KCND2: variants seen among roughly 807,000 people sequenced by gnomAD.
The protein encoded by KCND2 is potassium voltage-gated channel subfamily D member 2.
KCND2 carries 16 observed loss-of-function variants against 54.4 expected under a neutral mutation model. The observed-to-expected ratio is 0.29, with a 90% CI of 0.20 to 0.45. The LOEUF (loss-of-function observed/expected upper bound fraction) is 0.45. KCND2 is among the 20% of genes least tolerant of loss of function. The pLI is 1.00. For synonymous variants in KCND2, 317 were observed against 310.7 expected, an observed-to-expected ratio of 1.02 and a Z score of -0.21; for missense variants, 486 against 824.2, an observed-to-expected ratio of 0.59 and a Z score of 5.02.
chr7:120,500,162 C>G (rs1446636231), intron 1 of KCND2, among the ~76,000 whole-genome samples: 2 of 152,092 alleles, frequency 1.3e-5, no homozygotes, highest in South Asian at 2.1e-4. Context: ...CAGAAATTCT[C>G]TCTAATATGA....
At chr7:120,420,394 G>A (rs1004224296) in intron 1 of KCND2, among the ~76,000 whole-genome samples, 2 of 152,176 alleles carry the variant, frequency 1.3e-5, no homozygotes, top group African/African-American at 4.8e-5. Context: ...TAGGGTGGAG[G>A]TGCTCAACAA....
chr7:120,593,761 C>G (rs1792699644), intron 1 of KCND2, among the ~76,000 whole-genome samples: 1 of 152,052 alleles, frequency 6.6e-6, no homozygotes, highest in Non-Finnish European at 1.5e-5. Context: ...CCACAGAGAG[C>G]AAAGGGTAGT....
At chr7:120,386,625 A>G (rs764978097) in intron 1 of KCND2, among the ~76,000 whole-genome samples, 4 of 152,186 alleles carry the variant, frequency 2.6e-5, no homozygotes, top group Non-Finnish European at 5.9e-5. Flanking sequence ...AATATTTGTG[A>G]GATCCAGTCT....
chr7:120,372,480 A>G (rs1800778740), intron 1 of KCND2, among the ~76,000 whole-genome samples: 1 of 148,804 alleles, frequency 6.7e-6, no homozygotes, highest in South Asian at 2.1e-4. Context: ...TTACTCTGCA[A>G]ATAATTTACT....
chr7:120,434,923 C>T (rs1375671642), intron 1 of KCND2, among the ~76,000 whole-genome samples: 1 of 151,466 alleles, frequency 6.6e-6, no homozygotes, highest in Non-Finnish European at 1.5e-5. Flanking sequence ...TCAGAGGACA[C>T]ATTGTCTTCT....
intron 1 of KCND2, among the ~76,000 whole-genome samples, chr7:120,429,033 G>A (rs1191475427): frequency 1.3e-5 from 2 of 152,118 alleles, no homozygotes; most frequent in Non-Finnish European, 2.9e-5. Context: ...GGGAAGAAGG[G>A]AGAGGCTCAG....
chr7:120,304,866 A>G (rs768041143), intron 1 of KCND2, among the ~76,000 whole-genome samples: 3 of 152,186 alleles, frequency 2.0e-5, no homozygotes, highest in Non-Finnish European at 2.9e-5. Flanking sequence ...GGCGATAGGA[A>G]TACTTGTCTC....
chr7:120,445,134 A>G (rs1584781734), intron 1 of KCND2, among the ~76,000 whole-genome samples: 1 of 152,286 alleles, frequency 6.6e-6, no homozygotes, highest in East Asian at 1.9e-4. Flanking sequence ...ATTCTTTCAT[A>G]TAAACTCACC....
chr7:120,642,901 T>A (rs1237295237), intron 1 of KCND2, among the ~76,000 whole-genome samples: 4 of 152,168 alleles, frequency 2.6e-5, no homozygotes, highest in African/African-American at 4.8e-5. Context: ...ATACCAAAAT[T>A]GCATGCTTTT....
intron 1 of KCND2, among the ~76,000 whole-genome samples, chr7:120,541,020 C>T (rs1318654425): frequency 1.3e-5 from 2 of 152,040 alleles, no homozygotes; most frequent in African/African-American, 2.4e-5. Flanking sequence ...AAACGTAGAA[C>T]AATATCATTC....
intron 1 of KCND2, among the ~76,000 whole-genome samples, chr7:120,372,443 T>A (rs1800778137): frequency 7.5e-6 from 1 of 133,364 alleles, no homozygotes; most frequent in Non-Finnish European, 1.6e-5. Flanking sequence ...CAAAGTTTGC[T>A]TTTTTAAAAA....
rs75824399 is a variant in KCND2, at chr7:120,610,387, A to G, written c.1116-122516A>G. Among the ~76,000 whole-genome samples, 117 of 152,312 alleles carry G rather than the reference A, an allele frequency of 7.7e-4. 1 individual carries two copies. The East Asian group carries it at 0.022, about 29-fold the overall frequency. On this transcript the variant is annotated intron_variant, in intron 1 of 5. Transcript: ENST00000331113. ...CCATAACTGAAAAGCTCAAAGTGCTAGAATCATGTTTTCTGCGAGTGACTG... is the reference window on the plus strand; with the variant it reads ...CCATAACTGAAAAGCTCAAAGTGCTGGAATCATGTTTTCTGCGAGTGACTG...
At chr7:120,460,718 T>A (rs1802272204) in intron 1 of KCND2, among the ~76,000 whole-genome samples, 1 of 152,132 alleles carries the variant, frequency 6.6e-6, no homozygotes, top group South Asian at 2.1e-4. Flanking sequence ...TGATGCTCAT[T>A]TTATTCTATT....
intron 1 of KCND2, among the ~76,000 whole-genome samples, chr7:120,637,967 C>T (rs1793325309): frequency 6.6e-6 from 1 of 151,496 alleles, no homozygotes; most frequent in African/African-American, 2.4e-5. Context: ...TGCAAAAGTA[C>T]AAACCTAACT....
chr7:120,615,142 G>T (rs903754326), intron 1 of KCND2, among the ~76,000 whole-genome samples: 1 of 152,152 alleles, frequency 6.6e-6, no homozygotes, highest in African/African-American at 2.4e-5. Flanking sequence ...TCGGAACCTT[G>T]AGTCAAATTC....
chr7:120,533,890 G>A (rs73437862), intron 1 of KCND2, among the ~76,000 whole-genome samples: 1,600 of 152,200 alleles, frequency 0.011, 32 homozygotes, highest in African/African-American at 0.037. Context: ...TTTAAAGAAG[G>A]ATTGATAGTT....
intron 1 of KCND2, among the ~76,000 whole-genome samples, chr7:120,524,948 A>G (rs1791755227): frequency 2.6e-5 from 4 of 151,992 alleles, no homozygotes; most frequent in African/African-American, 9.7e-5. Flanking sequence ...TTTACTTGGA[A>G]CTCATATTTC....
At chr7:120,719,964 A>G (rs1215554769) in intron 1 of KCND2, among the ~76,000 whole-genome samples, 1 of 152,116 alleles carries the variant, frequency 6.6e-6, no homozygotes, top group Non-Finnish European at 1.5e-5. Flanking sequence ...CTTTGTGCCC[A>G]TTTCATACAA....
intron 1 of KCND2, among the ~76,000 whole-genome samples, chr7:120,518,375 A>G (rs1803227611): frequency 6.6e-6 from 1 of 152,160 alleles, no homozygotes; most frequent in Admixed American, 6.6e-5. Flanking sequence ...CAACTTAAAC[A>G]TAAAGTTACC....
Sources: gnomAD v4.1 joint callset for allele counts (sites outside exome capture counted in the v4.1 genomes callset) on GRCh38, gnomAD v4.1.1 for gene constraint, MANE v1.5 for transcripts, NCBI Gene and HGNC (gene_info 2026-07-23, HGNC 2026-07-21) for gene names.